The following AGBL4 variants were observed in gnomAD, a reference collection of about 807,000 sequenced individuals.
The protein encoded by AGBL4 is AGBL carboxypeptidase 4, also known as cytosolic carboxypeptidase 6.
AGBL4 carries 58 observed loss-of-function variants against 66.4 expected under a neutral mutation model. That is an observed-to-expected ratio of 0.87 (90% CI 0.71 to 1.09). The LOEUF (loss-of-function observed/expected upper bound fraction) is 1.09. Among genes scored for constraint, AGBL4 ranks in the 50% least tolerant of loss-of-function variants. The pLI is 0.00. For missense variants in AGBL4, 579 were observed against 631.0 expected, an observed-to-expected ratio of 0.92 and a Z score of 0.88; for synonymous variants, 234 against 222.9, an observed-to-expected ratio of 1.05 and a Z score of -0.44.
At chr1:48,758,633 G>A (rs186237459) in intron 6 of AGBL4, among the ~76,000 whole-genome samples, 276 of 152,316 alleles carry the variant, frequency 1.8e-3, no homozygotes, top group Non-Finnish European at 2.7e-3. Context: ...ATAAGGGACT[G>A]AGCAGTGACA....
At chr1:49,522,010 T>C (rs1650303611) in intron 3 of AGBL4, among the ~76,000 whole-genome samples, 2 of 152,110 alleles carry the variant, frequency 1.3e-5, no homozygotes, top group African/African-American at 2.4e-5. Flanking sequence ...AACCTCAGCA[T>C]CATTCAATAA....
At chr1:49,588,705 C>T (rs115861061) in intron 3 of AGBL4, among the ~76,000 whole-genome samples, 181 of 152,214 alleles carry the variant, frequency 1.2e-3, no homozygotes, top group Non-Finnish European at 2.0e-3. Flanking sequence ...GATTGAGGCA[C>T]CTACATGTGC....
chr1:48,645,665 A>G (rs1231354964), intron 8 of AGBL4, among the ~76,000 whole-genome samples: 1 of 152,186 alleles, frequency 6.6e-6, no homozygotes, highest in Non-Finnish European at 1.5e-5. Context: ...CTGTAAAATG[A>G]GCATAATGAT....
At chr1:48,868,791 C>A (rs1294193109) in intron 5 of AGBL4, among the ~76,000 whole-genome samples, 3 of 152,160 alleles carry the variant, frequency 2.0e-5, no homozygotes, top group Non-Finnish European at 4.4e-5. Context: ...TCTGTTTCAT[C>A]TTCTTTCTTG....
intron 1 of AGBL4, among the ~76,000 whole-genome samples, chr1:49,978,611 A>G (rs1219353694): frequency 1.3e-5 from 2 of 152,350 alleles, no homozygotes; most frequent in South Asian, 4.1e-4. Context: ...ATGTGAGAAT[A>G]TGGAAAGATA....
chr1:48,681,889 T>C (rs1438586039), intron 6 of AGBL4, among the ~76,000 whole-genome samples: 1 of 152,192 alleles, frequency 6.6e-6, no homozygotes, highest in Non-Finnish European at 1.5e-5. Context: ...CTGAACTGTG[T>C]CCTCTCCAAA....
intron 6 of AGBL4, among the ~76,000 whole-genome samples, chr1:48,858,640 C>T (rs1647247648): frequency 6.6e-6 from 1 of 152,052 alleles, no homozygotes; most frequent in South Asian, 2.1e-4. Context: ...TCCATAGAGA[C>T]AGAAAGTTAT....
chr1:49,175,652 A>C (rs1219707513), intron 4 of AGBL4, among the ~76,000 whole-genome samples: 1 of 152,194 alleles, frequency 6.6e-6, no homozygotes, highest in Non-Finnish European at 1.5e-5. Flanking sequence ...TATTAAAACA[A>C]GTACAGGCAA....
At chr1:49,166,911 C>T (rs945576515) in intron 4 of AGBL4, among the ~76,000 whole-genome samples, 3 of 152,172 alleles carry the variant, frequency 2.0e-5, no homozygotes, top group Admixed American at 6.5e-5. Flanking sequence ...CTTTTCTTCC[C>T]CATTTTGGAT....
At chr1:49,402,569 C>T (rs566801916) in intron 3 of AGBL4, among the ~76,000 whole-genome samples, 12 of 137,772 alleles carry the variant, frequency 8.7e-5, no homozygotes, top group South Asian at 4.6e-4. Flanking sequence ...TTTTGAATGC[C>T]TTTTTTTTTT....
chr1:49,243,040 CACAT>C (rs1426348119), intron 4 of AGBL4, among the ~76,000 whole-genome samples: 1 of 150,252 alleles, frequency 6.7e-6, no homozygotes, highest in Non-Finnish European at 1.5e-5. Flanking sequence ...TATATACACA[CACAT>C]ACATATATAT....
At chr1:49,719,782 G>A (rs1037930923) in intron 2 of AGBL4, among the ~76,000 whole-genome samples, 2 of 152,052 alleles carry the variant, frequency 1.3e-5, no homozygotes, top group African/African-American at 4.8e-5. Context: ...CCATGGAGAT[G>A]TTTATCCTCA....
intron 6 of AGBL4, among the ~76,000 whole-genome samples, chr1:48,827,176 C>G (rs1646444981): frequency 6.6e-6 from 1 of 152,156 alleles, no homozygotes; most frequent in Non-Finnish European, 1.5e-5. Flanking sequence ...GGTAGAAAGT[C>G]TGCAGTATTT....
intron 1 of AGBL4, among the ~76,000 whole-genome samples, chr1:49,983,459 A>G (rs1324978124): frequency 6.6e-6 from 1 of 152,122 alleles, no homozygotes; most frequent in Non-Finnish European, 1.5e-5. Flanking sequence ...TTGCTCACAC[A>G]CCGCTCGCTG....
In AGBL4 at chr1:49,761,080, T is replaced by A. The variant is rs1250579402; in HGVS notation, c.158-63643A>T. 2.0e-5 allele frequency among the ~76,000 whole-genome samples: 3 copies of A among 149,884 alleles called. No homozygotes were observed. In the East Asian group the frequency reaches 5.9e-4, roughly 29 times the overall value. ...GGTCAATAGGTGCAGCAAACCACCA[T>A]GGCAAACGTATACCTATGTAACAAA... is the stretch of plus-strand genomic sequence containing the variant. On this transcript the variant is annotated intron_variant, in intron 2 of 13. Transcript: ENST00000371839.
At chr1:49,672,936 A>C (rs1283955396) in intron 3 of AGBL4, among the ~76,000 whole-genome samples, 1 of 150,498 alleles carries the variant, frequency 6.6e-6, no homozygotes, top group Admixed American at 6.6e-5. Flanking sequence ...AAAAAAAAAA[A>C]AAAAAGAAAA....
intron 1 of AGBL4, among the ~76,000 whole-genome samples, chr1:49,948,438 T>TATATATAAATATATAA: frequency 1.9e-5 from 2 of 103,612 alleles, no homozygotes; most frequent in South Asian, 3.5e-4. Flanking sequence ...AATATATAAA[T>TATATATAAATATATAA]ATATATAAAT....
At chr1:49,330,414 G>A (rs1326586629) in intron 3 of AGBL4, among the ~76,000 whole-genome samples, 8 of 152,116 alleles carry the variant, frequency 5.3e-5, no homozygotes, top group African/African-American at 1.9e-4. Context: ...GCGAGACTGT[G>A]TCTCAAAATA....
chr1:49,621,490 T>A (rs987796779), intron 3 of AGBL4, among the ~76,000 whole-genome samples: 13 of 152,226 alleles, frequency 8.5e-5, no homozygotes, highest in African/African-American at 3.1e-4. Context: ...TATGACCTAA[T>A]GCTTGCTTGG....
Sources: gnomAD v4.1 joint callset for allele counts (sites outside exome capture counted in the v4.1 genomes callset) on GRCh38, gnomAD v4.1.1 for gene constraint, MANE v1.5 for transcripts, NCBI Gene and HGNC (gene_info 2026-07-23, HGNC 2026-07-21) for gene names.